Variants in SEC31A observed in about 807,000 individuals in gnomAD.
The protein encoded by SEC31A is SEC31 homolog A, COPII component, also known as protein transport protein Sec31A.
SEC31A carries 70 observed loss-of-function variants against 151.0 expected under a neutral mutation model. The ratio of observed to expected loss-of-function variants is 0.46; its 90% CI spans 0.38 to 0.57. The LOEUF is 0.57. SEC31A is among the 20% of genes least tolerant of loss of function. SEC31A has a pLI of 0.00. For synonymous variants in SEC31A, 475 were observed against 505.9 expected (o/e 0.94, Z 0.82); for missense variants, 1,330 against 1,471.2 (o/e 0.90, Z 1.57).
intron 3 of SEC31A, among the ~76,000 whole-genome samples, chr4:82,879,817 G>A (rs550783331): frequency 6.6e-6 from 1 of 152,260 alleles, no homozygotes; most frequent in South Asian, 2.1e-4. Flanking sequence ...GTACTTGAAA[G>A]TATGATCCAA....
rs562923141 is a variant in SEC31A at position 82,826,347 on chromosome 4, ATT to A, written c.3291+1020_3291+1021del. ...TAATGTTTAAAAATTCCTTAGGCATATTATCTCTTTTTGTTGTTGTTGTTGAG... is the reference window on the plus strand; with the variant it reads ...TAATGTTTAAAAATTCCTTAGGCATAATCTCTTTTTGTTGTTGTTGTTGAG... On this transcript the variant is annotated intron_variant, in intron 24 of 26. Transcript: ENST00000395310. Among the ~76,000 whole-genome samples, 183 of 150,016 alleles carry A rather than the reference ATT, an allele frequency of 1.2e-3. 1 individual carries two copies. The highest frequency in any genetic ancestry group is 4.3e-3 in the African/African-American group (178 of 41,342).
At chr4:82,900,289 GT>G (rs1167968897) in intron 1 of SEC31A, 2 of 158,512 alleles carry the variant, frequency 1.3e-5, no homozygotes, top group East Asian at 1.9e-4. Context: ...GCCCGACTCT[GT>G]CTTCAACACA....
At position 82,827,395 on chromosome 4, in the gene SEC31A, C is replaced by T; in HGVS notation, c.3265G>A (p.Gly1089Arg). Residue 1089 changes from glycine to arginine, a missense_variant, in exon 24 of 27, where the codon GGG becomes AGG. Transcript: ENST00000395310. ...FSKPNIEGAP[G>R]APIGNTFQHV... is the part of the protein sequence containing the mutation. ...TGGAAGGTATTTCCAATAGGAGCCC[C>T]TGGGGCACCTTCAATATTGGGCTTT... 6.2e-7 allele frequency: 1 copy of T among 1,614,188 alleles called. No individual in the cohort carries two copies. The highest frequency in any genetic ancestry group is 8.5e-7 in the Non-Finnish European group (1 of 1,180,016).
intron 4 of SEC31A, among the ~76,000 whole-genome samples, chr4:82,877,194 C>T (rs1470423717): frequency 2.0e-5 from 3 of 152,060 alleles, no homozygotes; most frequent in African/African-American, 4.8e-5. Flanking sequence ...CACTGCAGTC[C>T]AGCCTGGCAG....
At position 82,842,169 on chromosome 4, in the gene SEC31A, G is replaced by A. The variant is rs1560602730; in HGVS notation, c.2939C>T (p.Ala980Val). The part of the protein sequence containing the change: ...PPGTTGTLPA[A>V]SELPASQRTG... The stretch of plus-strand genomic sequence containing the variant: ...TCTTTGGGACGCAGGCAGCTCACTG[G>A]CAGCAGGCAGTGTACCTGTTGTTCC... The change falls in exon 22 of 27, where the codon GCC (alanine) becomes GTC (valine). Residue 980 changes from alanine (A) to valine (V), a missense_variant. Physicochemically the swap from Ala to Val is moderately conservative, Grantham distance 64. Transcript: ENST00000395310. 2.5e-6 allele frequency: 4 copies of A among 1,574,004 alleles called. No individual in the cohort carries two copies. The highest frequency in any genetic ancestry group is 2.2e-5 in the East Asian group (1 of 44,482).
intron 22 of SEC31A, among the ~76,000 whole-genome samples, chr4:82,838,003 C>T (rs1331550767): frequency 6.6e-6 from 1 of 152,050 alleles, no homozygotes; most frequent in East Asian, 1.9e-4. Flanking sequence ...CCCTATAAGC[C>T]TAGCATGTCA....
intron 26 of SEC31A, among the ~76,000 whole-genome samples, chr4:82,819,998 G>C (rs1422613027): frequency 6.6e-6 from 1 of 152,090 alleles, no homozygotes; most frequent in African/African-American, 2.4e-5. Context: ...CTGACCTCAG[G>C]TGATCTGCCC....
Position 82,851,587 on chromosome 4 carries a change from A to G in SEC31A, c.2172T>C (p.Val724=), listed in dbSNP as rs1731458993. 3 of 1,610,986 alleles carry G rather than the reference A, an allele frequency of 1.9e-6. No homozygotes were observed. Among genetic ancestry groups the G allele is most frequent in the Non-Finnish European group, 2.5e-6 (3 of 1,178,160 alleles). ...PLSLQDLIEK[V]VILRKAVQLT... The stretch of plus-strand genomic sequence containing the variant: ...GTTGCACAGCTTTTCGCAGGATGAC[A>G]ACTTTCTCAATCAGATCCTAAATGA... Residue 724 remains valine, a synonymous_variant, in exon 19 of 27, where the codon GTT becomes GTC. Coordinates refer to ENST00000395310, the MANE Select transcript of SEC31A (RefSeq NM_001077207.4).
Position 82,821,127 on chromosome 4 carries a change from A to G in SEC31A, c.3412-19T>C. 1 of 1,598,376 alleles carries G rather than the reference A, an allele frequency of 6.3e-7. No homozygotes were observed. Among genetic ancestry groups the G allele is most frequent in the Non-Finnish European group, 8.6e-7 (1 of 1,165,912 alleles). The stretch of plus-strand genomic sequence containing the variant: ...TGGTTTGCTGCAGGAAAGAAAAAAT[A>G]GATGTTATATTTGAACATTAACTTT... On this transcript the variant is annotated intron_variant, in intron 25 of 26. Transcript: ENST00000395310.
At chr4:82,837,629 C>T (rs1051400933) in intron 22 of SEC31A, among the ~76,000 whole-genome samples, 1 of 152,178 alleles carries the variant, frequency 6.6e-6, no homozygotes, top group African/African-American at 2.4e-5. Context: ...ATGCACTCTG[C>T]TGTGCCCGCC....
chr4:82,878,430 G>A (rs1225596241), intron 4 of SEC31A, among the ~76,000 whole-genome samples: 1 of 152,148 alleles, frequency 6.6e-6, no homozygotes, highest in Non-Finnish European at 1.5e-5. Context: ...GGAGGCAGAG[G>A]TTGCAGTGAG....
chr4:82,891,267 C>T, upstream of SEC31A: 2 of 1,261,000 alleles, frequency 1.6e-6, no homozygotes, highest in Non-Finnish European at 2.2e-6. Flanking sequence ...TCTTTCCCCG[C>T]CCACCCGACG....
chr4:82,879,151 C>T (rs1323463263), intron 3 of SEC31A, among the ~76,000 whole-genome samples: 3 of 152,104 alleles, frequency 2.0e-5, no homozygotes, highest in African/African-American at 4.8e-5. Flanking sequence ...AGAGTAAAAA[C>T]TCTTGTAAGG....
rs567527882 is a variant in SEC31A, at chr4:82,870,596, G to T, written c.783-172C>A. On this transcript the variant is annotated intron_variant, in intron 7 of 26. Coordinates refer to ENST00000395310, the MANE Select transcript of SEC31A (RefSeq NM_001077207.4). ...ACCTGTAATGCCAACTACTCAGGAG[G>T]CTGAGGTAGGAGAATCACTTGAACC... 1.5e-3 allele frequency among the ~76,000 whole-genome samples: 231 copies of T among 152,288 alleles called. 1 individual carries two copies. Among genetic ancestry groups the T allele is most frequent in the Non-Finnish European group, 2.9e-3 (195 of 68,026 alleles).
upstream of SEC31A, chr4:82,891,413 G>A (rs1247561248): frequency 1.7e-6 from 1 of 584,880 alleles, no homozygotes; most frequent in African/African-American, 1.9e-5. Flanking sequence ...CGCGCAGAAT[G>A]TGGATGGGGT....
At chr4:82,824,494 C>T in intron 25 of SEC31A, 61 bp downstream of exon 25, 1 of 1,576,264 alleles carries the variant, frequency 6.3e-7, no homozygotes, top group South Asian at 1.2e-5. Flanking sequence ...CATAAGCCAC[C>T]ACACCTGGCC....
At chr4:82,872,906 T>C (rs999606378) in intron 6 of SEC31A, among the ~76,000 whole-genome samples, 1 of 152,242 alleles carries the variant, frequency 6.6e-6, no homozygotes, top group East Asian at 1.9e-4. Flanking sequence ...GGTTTCACCA[T>C]GTTGCCCAGG....
In SEC31A at chr4:82,819,042, T is replaced by C. The variant is rs774646896; in HGVS notation, c.*32A>G. 1.9e-6 allele frequency: 3 copies of C among 1,546,630 alleles called. No individual in the cohort carries two copies. ...TTTTTAACATGTTTCTTTGGAAAAA[T>C]GGCAATATTGAGTGGAAGAGAAGCT... On this transcript the variant is annotated 3_prime_UTR_variant, in exon 27 of 27. Transcript: ENST00000395310.
intron 14 of SEC31A, 135 bp from the exon 15 acceptor site, chr4:82,857,899 C>T (rs958492428): frequency 3.5e-6 from 2 of 569,570 alleles, no homozygotes; most frequent in South Asian, 3.9e-5. Flanking sequence ...GTTCTCAGAT[C>T]CAAATTTACA....
Sources: allele counts gnomAD v4.1 joint callset (sites outside exome capture counted in the v4.1 genomes callset), GRCh38; gene constraint gnomAD v4.1.1; transcripts MANE v1.5; gene names NCBI Gene and HGNC (gene_info 2026-07-23, HGNC 2026-07-21).